Variants in MICAL2 observed in about 807,000 individuals in gnomAD.
MICAL2 encodes microtubule associated monooxygenase, calponin and LIM domain containing 2.
MICAL2 carries 77 observed loss-of-function variants against 127.3 expected under a neutral mutation model. The observed-to-expected ratio is 0.60, with a 90% confidence interval of 0.50 to 0.73. The LOEUF is 0.73. Ranked by LOEUF, MICAL2 falls within the 30% of genes least tolerant of loss-of-function variation. The pLI is 0.00. For missense variants in MICAL2, 1,351 were observed against 1,434.4 expected (o/e 0.94, Z 0.94); for synonymous variants, 570 against 551.1 (o/e 1.03, Z -0.48).
At chr11:12,264,507 G>T (rs530800533), downstream of MICAL2, among the ~76,000 whole-genome samples, 1 of 152,274 alleles carries the variant, frequency 6.6e-6, no homozygotes, top group Non-Finnish European at 1.5e-5. Flanking sequence ...AAGTCATCTG[G>T]TCCTCAGCCT....
At chr11:12,259,057 G>A (rs1293104220) in intron 25 of MICAL2, among the ~76,000 whole-genome samples, 1 of 152,098 alleles carries the variant, frequency 6.6e-6, no homozygotes. Flanking sequence ...TCTTCTCTCG[G>A]GCTTGATTAA....
chr11:12,350,803 T>C (rs1011116175), intron 33 of MICAL2, among the ~76,000 whole-genome samples: 2 of 152,192 alleles, frequency 1.3e-5, no homozygotes, highest in African/African-American at 4.8e-5. Context: ...CAATAACAAA[T>C]TGCCACAGAC....
At chr11:12,248,205 T>C (rs773118030) in intron 21 of MICAL2, among the ~76,000 whole-genome samples, 3 of 152,078 alleles carry the variant, frequency 2.0e-5, no homozygotes, top group Admixed American at 6.5e-5. Context: ...AAATTCAGAG[T>C]GGTGCTGTGG....
intron 3 of MICAL2, among the ~76,000 whole-genome samples, chr11:12,193,052 C>T (rs1859415017): frequency 6.6e-6 from 1 of 152,174 alleles, no homozygotes; most frequent in Non-Finnish European, 1.5e-5. Flanking sequence ...TCAGGTCCCT[C>T]ACTACACCAC....
chr11:12,327,376 A>G (rs1016072000), intron 32 of MICAL2: 1 of 862,434 alleles, frequency 1.2e-6, no homozygotes, highest in African/African-American at 1.7e-5. Flanking sequence ...GTCAGCATGG[A>G]CATATGGTGG....
chr11:12,319,342 A>G (rs922796015), intron 29 of MICAL2, among the ~76,000 whole-genome samples: 3 of 151,858 alleles, frequency 2.0e-5, no homozygotes, highest in African/African-American at 7.2e-5. Flanking sequence ...AACTTCAGAC[A>G]TGCATTTTAA....
At chr11:12,252,040 G>A (rs1861619792) in intron 22 of MICAL2, among the ~76,000 whole-genome samples, 2 of 152,160 alleles carry the variant, frequency 1.3e-5, no homozygotes, top group Non-Finnish European at 2.9e-5. Flanking sequence ...TGTGCCAGTG[G>A]AGGCAGTCAC....
intron 2 of MICAL2, among the ~76,000 whole-genome samples, chr11:12,283,039 T>G (rs981745660): frequency 1.6e-4 from 24 of 152,188 alleles, no homozygotes; most frequent in Non-Finnish European, 4.4e-5. Flanking sequence ...GTGGGTAGAA[T>G]GCGTGACTCT....
intron 1 of MICAL2, among the ~76,000 whole-genome samples, chr11:12,115,143 C>A (rs1182989883): frequency 3.3e-5 from 5 of 152,218 alleles, no homozygotes; most frequent in African/African-American, 1.2e-4. Context: ...TCATCCACAA[C>A]TGGGGCAGGT....
At chr11:12,164,434 T>G (rs1228283509) in intron 3 of MICAL2, among the ~76,000 whole-genome samples, 1 of 152,228 alleles carries the variant, frequency 6.6e-6, no homozygotes, top group Non-Finnish European at 1.5e-5. Context: ...CTACTTGAGC[T>G]GTGCTTTTCA....
chr11:12,338,949 C>T (rs1379739952), intron 32 of MICAL2, among the ~76,000 whole-genome samples: 1 of 152,170 alleles, frequency 6.6e-6, no homozygotes, highest in Admixed American at 6.5e-5. Flanking sequence ...TTGCTCTTCT[C>T]GAGGAGTATC....
At chr11:12,343,758 A>T (rs887142561) in intron 32 of MICAL2, among the ~76,000 whole-genome samples, 10 of 152,226 alleles carry the variant, frequency 6.6e-5, no homozygotes, top group African/African-American at 2.4e-4. Context: ...CATGTGGCAG[A>T]TGGTATAATG....
chr11:12,256,764 C>G (rs751809210), intron 23 of MICAL2, 21 bp from the exon 24 acceptor site: 5 of 1,589,926 alleles, frequency 3.1e-6, no homozygotes, highest in Non-Finnish European at 4.3e-6. Flanking sequence ...AATACACCCA[C>G]TCTTCTCTCC....
rs201127610 is a variant in MICAL2, at chr11:12,227,047, A to C, written c.1911A>C (p.Gly637=). The C allele has an allele frequency of 5.0e-5, 81 of 1,614,072 alleles. No homozygotes were observed. Among genetic ancestry groups the C allele is most frequent in the Middle Eastern group, 1.6e-4 (1 of 6,062 alleles). Residue 637 remains glycine, a synonymous_variant, in exon 15 of 28, where the codon GGA becomes GGC. Coordinates refer to ENST00000683283, the MANE Select transcript of MICAL2 (RefSeq NM_001282663.2). ...CAGATTCTTGGCGCAAAAACTATGG[A>C]GAAAATGCTGACCTCAGCTTGGCCA... ...RPVDSWRKNY[G]ENADLSLAKS...
intron 6 of MICAL2, 151 bp downstream of exon 6, chr11:12,209,749 A>G (rs1855201651): frequency 1.5e-6 from 1 of 684,272 alleles, no homozygotes; most frequent in East Asian, 2.7e-5. Context: ...CTCTTGAGGT[A>G]GAACAGCCCA....
intron 3 of MICAL2, among the ~76,000 whole-genome samples, chr11:12,176,232 T>C (rs557341187): frequency 6.6e-6 from 1 of 152,150 alleles, no homozygotes; most frequent in Non-Finnish European, 1.5e-5. Context: ...TGATTTAAAG[T>C]CTTTTTGGAA....
chr11:12,217,756 GC>G (rs1290541283), intron 8 of MICAL2, among the ~76,000 whole-genome samples: 1 of 152,110 alleles, frequency 6.6e-6, no homozygotes, highest in African/African-American at 2.4e-5. Context: ...GCCCCTCCAG[GC>G]CCATGCTTGT....
At chr11:12,129,675 G>A (rs1377511178) in intron 1 of MICAL2, among the ~76,000 whole-genome samples, 1 of 135,418 alleles carries the variant, frequency 7.4e-6, no homozygotes, top group East Asian at 2.1e-4. Context: ...CAATTACGTG[G>A]ACAGTTTTTC....
Position 12,354,857 on chromosome 11 carries a change from G to T in MICAL2, c.5689G>T (p.Glu1897Ter). Reference sequence around the variant, plus strand: ...ACTGAGAGAGAAAATGCTCAAGGAGGGTGAGTATGCTTGGGCCTTTGTTGA... The same window carrying T: ...ACTGAGAGAGAAAATGCTCAAGGAGTGTGAGTATGCTTGGGCCTTTGTTGA... Residue 1897 changes from glutamate (E) to a stop codon, truncating the protein, a stop_gained and splice_region_variant, in exon 34 of 35, where the codon GAG becomes TAG. Coordinates refer to the MICAL2 transcript ENST00000646065. LOFTEE classifies it high-confidence loss of function. 6.2e-7 allele frequency: 1 copy of T among 1,613,438 alleles called. No individual in the cohort carries two copies. Among genetic ancestry groups the T allele is most frequent in the Non-Finnish European group, 8.5e-7 (1 of 1,179,682 alleles).
Sources: allele counts gnomAD v4.1 joint callset (sites outside exome capture counted in the v4.1 genomes callset), GRCh38; gene constraint gnomAD v4.1.1; transcripts MANE v1.5; gene names NCBI Gene and HGNC (gene_info 2026-07-23, HGNC 2026-07-21).